Variants in ROBO1 observed in about 807,000 individuals in gnomAD.
The protein encoded by ROBO1 is roundabout guidance receptor 1, also known as roundabout homolog 1.
Under a neutral mutation model 195.9 loss-of-function variants are expected in ROBO1, and 149 were observed. That is an observed-to-expected ratio of 0.76 (90% confidence interval 0.67 to 0.87). The LOEUF (loss-of-function observed/expected upper bound fraction) is 0.87, where lower values mean the gene tolerates loss of function less well. Ranked by LOEUF, ROBO1 falls within the 40% of genes least tolerant of loss-of-function variation. The pLI is 0.00. For synonymous variants in ROBO1, 816 were observed against 733.2 expected (o/e 1.11, Z -1.82); for missense variants, 1,933 against 2,068.3 (o/e 0.93, Z 1.27).
At chr3:78,612,054 C>T (rs555101562) in intron 28 of ROBO1, among the ~76,000 whole-genome samples, 5 of 152,274 alleles carry the variant, frequency 3.3e-5, no homozygotes, top group Admixed American at 1.3e-4. Flanking sequence ...GAAGGATCAT[C>T]GCAAATTACT....
intron 1 of ROBO1, among the ~76,000 whole-genome samples, chr3:79,688,135 C>T (rs866250363): frequency 4.1e-5 from 6 of 147,822 alleles, no homozygotes; most frequent in South Asian, 2.1e-4. Flanking sequence ...AACCAAACAC[C>T]GCATGTTCTC....
chr3:79,051,634 TG>T (rs2078700970), intron 3 of ROBO1, among the ~76,000 whole-genome samples: 1 of 152,150 alleles, frequency 6.6e-6, no homozygotes, highest in African/African-American at 2.4e-5. Flanking sequence ...ATATCTCTGA[TG>T]AAAATCTATG....
intron 10 of ROBO1, among the ~76,000 whole-genome samples, chr3:78,683,678 A>G (rs2080984486): frequency 1.3e-5 from 2 of 152,066 alleles, no homozygotes; most frequent in Admixed American, 1.3e-4. Context: ...TTCAGTGGAG[A>G]AAGGATAATC....
intron 8 of ROBO1, among the ~76,000 whole-genome samples, chr3:78,697,464 T>TA (rs1312294494): frequency 6.6e-6 from 1 of 152,154 alleles, no homozygotes; most frequent in East Asian, 1.9e-4. Context: ...TTAGGTCTAA[T>TA]AAGTACCGGG....
chr3:79,127,826 T>A (rs1313093725), intron 2 of ROBO1, among the ~76,000 whole-genome samples: 5 of 152,220 alleles, frequency 3.3e-5, no homozygotes, highest in Admixed American at 6.5e-5. Flanking sequence ...TTCCTACTCA[T>A]CACCTTTCTG....
intron 2 of ROBO1, among the ~76,000 whole-genome samples, chr3:79,446,801 A>G (rs2039273877): frequency 6.6e-6 from 1 of 152,108 alleles, no homozygotes; most frequent in South Asian, 2.1e-4. Flanking sequence ...GCTCTTCTAC[A>G]TTTCAAAAAA....
intron 10 of ROBO1, among the ~76,000 whole-genome samples, chr3:78,673,528 A>AATATATAT (rs1239511613): frequency 8.0e-6 from 1 of 125,240 alleles, no homozygotes; most frequent in Non-Finnish European, 1.7e-5. Context: ...AATATATATA[A>AATATATAT]ATATATATAT....
At chr3:79,471,856 GT>G (rs1559923419) in intron 2 of ROBO1, among the ~76,000 whole-genome samples, 1 of 149,934 alleles carries the variant, frequency 6.7e-6, no homozygotes, top group African/African-American at 2.5e-5. Flanking sequence ...AACACCGCAT[GT>G]TCTCCCTCAT....
At chr3:79,758,374 C>A (rs1034308419) in intron 1 of ROBO1, among the ~76,000 whole-genome samples, 1 of 152,146 alleles carries the variant, frequency 6.6e-6, no homozygotes, top group Non-Finnish European at 1.5e-5. Flanking sequence ...TCAATAGGCA[C>A]ATGTAGCTAG....
chr3:78,604,748 A>G (rs1019423925), intron 29 of ROBO1, among the ~76,000 whole-genome samples: 4 of 152,160 alleles, frequency 2.6e-5, no homozygotes, highest in African/African-American at 9.7e-5. Flanking sequence ...GTCCATAATA[A>G]ATACAACAAT....
intron 8 of ROBO1, among the ~76,000 whole-genome samples, chr3:78,711,781 G>A (rs547010564): frequency 5.3e-5 from 8 of 150,708 alleles, no homozygotes; most frequent in Non-Finnish European, 1.2e-4. Context: ...GAGCCACCAC[G>A]CCCGGCCCCC....
intron 2 of ROBO1, among the ~76,000 whole-genome samples, chr3:79,550,187 GAAAGAAAGGAAAA>G (rs750102721): frequency 5.0e-4 from 40 of 79,510 alleles, no homozygotes; most frequent in South Asian, 1.2e-3. Context: ...AAGAAAGAAA[GAAAGAAAGGAAAA>G]GAAAAGAAAA....
chr3:79,571,074 G>A (rs1300613136), intron 2 of ROBO1, among the ~76,000 whole-genome samples: 1 of 152,074 alleles, frequency 6.6e-6, no homozygotes, highest in Non-Finnish European at 1.5e-5. Context: ...CTGCAGAGCT[G>A]GGTGATAATG....
At chr3:79,178,624 G>T (rs1486287118) in intron 2 of ROBO1, among the ~76,000 whole-genome samples, 5 of 152,190 alleles carry the variant, frequency 3.3e-5, no homozygotes, top group African/African-American at 1.2e-4. Context: ...AAGGCACGGA[G>T]CAGAAGGCAA....
chr3:79,400,846 T>C (rs1362813271), intron 2 of ROBO1, among the ~76,000 whole-genome samples: 1 of 151,924 alleles, frequency 6.6e-6, no homozygotes, highest in Non-Finnish European at 1.5e-5. Context: ...GTAAAAACAA[T>C]TCTAAGATAC....
At chr3:78,942,963 C>T (rs917593606) in intron 3 of ROBO1, among the ~76,000 whole-genome samples, 5 of 151,538 alleles carry the variant, frequency 3.3e-5, no homozygotes, top group Non-Finnish European at 5.9e-5. Flanking sequence ...GCCTGTAATC[C>T]CAGGACTTCG....
chr3:78,668,399 G>C (rs1046369521), intron 12 of ROBO1, 85 bp downstream of exon 12: 19 of 1,580,884 alleles, frequency 1.2e-5, no homozygotes, highest in Non-Finnish European at 1.6e-5. Context: ...ACTCAGGGAA[G>C]AGGACATTTA....
At chr3:79,538,929 ATTGAATT>A (rs1465344882) in intron 2 of ROBO1, among the ~76,000 whole-genome samples, 2 of 152,168 alleles carry the variant, frequency 1.3e-5, no homozygotes, top group African/African-American at 4.8e-5. Flanking sequence ...TAAACATCTG[ATTGAATT>A]TCCGTGCATA....
At chr3:79,532,053 G>T (rs1365635178) in intron 2 of ROBO1, among the ~76,000 whole-genome samples, 3 of 152,000 alleles carry the variant, frequency 2.0e-5, no homozygotes, top group Admixed American at 2.0e-4. Context: ...ATTTAGTCAA[G>T]GTAAATGGTA....
Sources: allele counts gnomAD v4.1 joint callset (sites outside exome capture counted in the v4.1 genomes callset), GRCh38; gene constraint gnomAD v4.1.1; transcripts MANE v1.5; gene names NCBI Gene and HGNC (gene_info 2026-07-23, HGNC 2026-07-21).